CCDC191: variants seen among roughly 807,000 people sequenced by gnomAD.
CCDC191 encodes coiled-coil domain-containing protein 191.
In CCDC191, 99 loss-of-function variants were observed where a neutral mutation model predicts 114.0. That is an observed-to-expected ratio of 0.87 (90% CI 0.74 to 1.03). The LOEUF (loss-of-function observed/expected upper bound fraction) is 1.03, where lower values mean the gene tolerates loss of function less well. CCDC191 is among the 50% of genes least tolerant of loss of function. CCDC191 has a pLI of 0.00. For synonymous variants in CCDC191, 351 were observed against 376.0 expected, an observed-to-expected ratio of 0.93 and a Z score of 0.77; for missense variants, 973 against 1,087.0, an observed-to-expected ratio of 0.90 and a Z score of 1.47.
intron 12 of CCDC191, among the ~76,000 whole-genome samples, chr3:114,002,010 G>T (rs1360815289): frequency 1.3e-5 from 2 of 152,110 alleles, no homozygotes; most frequent in East Asian, 3.8e-4. Context: ...GTTAGAAACA[G>T]TTTAGGGGGA....
At chr3:113,974,033 A>T (rs180837624) in intron 16 of CCDC191, among the ~76,000 whole-genome samples, 347 of 151,804 alleles carry the variant, frequency 2.3e-3, no homozygotes, top group Non-Finnish European at 3.7e-3. Context: ...GGGCTCACTA[A>T]TTCTTTCCAC....
rs2075876160 is a variant in CCDC191, at chr3:114,002,604, A to G, written c.1979-66T>C. The stretch of plus-strand genomic sequence containing the variant: ...AAAAATATGAGGAATACTGCAAGAG[A>G]AATGTCTCCATTTCATAGTAAAATT... On this transcript the variant is annotated intron_variant, in intron 11 of 16. Coordinates refer to ENST00000295878, the MANE Select transcript of CCDC191 (RefSeq NM_020817.2). 4 of 1,376,472 alleles carry G rather than the reference A, an allele frequency of 2.9e-6. No individual in the cohort carries two copies. The South Asian group carries it at 5.3e-5, about 18-fold the overall frequency. The allele number at this position is 1,376,472 out of a possible 1,614,324, so 85.3% of individuals were successfully genotyped here.
chr3:113,997,680 T>C (rs1242437843), intron 13 of CCDC191, among the ~76,000 whole-genome samples: 5 of 152,130 alleles, frequency 3.3e-5, no homozygotes, highest in African/African-American at 1.2e-4. Flanking sequence ...ACAAAATAAA[T>C]AACACAGTAT....
At chr3:114,050,511 T>G (rs1294704476) in intron 2 of CCDC191, among the ~76,000 whole-genome samples, 1 of 152,092 alleles carries the variant, frequency 6.6e-6, no homozygotes, top group Non-Finnish European at 1.5e-5. Context: ...TGGAGGTAGG[T>G]AAGGGGGATT....
rs1559925928 is a variant in CCDC191, at chr3:114,035,025, G to C, written c.718C>G (p.Leu240Val). 6.2e-7 allele frequency: 1 copy of C among 1,614,002 alleles called. No individual in the cohort carries two copies. Among genetic ancestry groups the C allele is most frequent in the Admixed American group, 1.7e-5 (1 of 59,982 alleles). ...LVQEEKKRKA[L>V]EAKKEEEEIQ... ...TCCTCTTCCTCTTTCTTGGCCTCCAGAGCCTTCCTTTTCTTCTCTTCTTGC... is the reference window on the plus strand; with the variant it reads ...TCCTCTTCCTCTTTCTTGGCCTCCACAGCCTTCCTTTTCTTCTCTTCTTGC... Residue 240 changes from leucine (L) to valine (V), a missense_variant, in exon 6 of 17, where the codon CTG becomes GTG. Physicochemically the swap from Leu to Val is conservative, Grantham distance 32. Coordinates refer to ENST00000295878, the MANE Select transcript of CCDC191 (RefSeq NM_020817.2).
chr3:114,006,083 G>T (rs1032714526), intron 9 of CCDC191, 121 bp from the exon 10 acceptor site: 3 of 900,598 alleles, frequency 3.3e-6, no homozygotes, highest in Non-Finnish European at 5.3e-6. Flanking sequence ...GCAGGTAAAG[G>T]TGGTCTGTGC....
At chr3:114,048,970 T>C (rs1263858993) in intron 2 of CCDC191, among the ~76,000 whole-genome samples, 1 of 152,252 alleles carries the variant, frequency 6.6e-6, no homozygotes, top group Non-Finnish European at 1.5e-5. Context: ...AAAATGACTT[T>C]TCCTCCTGCC....
At chr3:114,049,160 G>A (rs2076668651) in intron 2 of CCDC191, among the ~76,000 whole-genome samples, 1 of 152,250 alleles carries the variant, frequency 6.6e-6, no homozygotes, top group Admixed American at 6.5e-5. Context: ...ACATGAGCCA[G>A]AAGAAAACAT....
chr3:114,038,363 A>G (rs1247543501), intron 4 of CCDC191, among the ~76,000 whole-genome samples: 7 of 152,214 alleles, frequency 4.6e-5, no homozygotes, highest in Non-Finnish European at 2.9e-5. Context: ...CGGAGCTGAA[A>G]AACTATTGCC....
At chr3:114,012,162 T>C (rs1046243257) in intron 8 of CCDC191, among the ~76,000 whole-genome samples, 2 of 152,178 alleles carry the variant, frequency 1.3e-5, no homozygotes, top group Non-Finnish European at 1.5e-5. Flanking sequence ...ATACGACTTT[T>C]AAACCTTTTT....
chr3:114,013,167 G>A (rs773224125), intron 8 of CCDC191, among the ~76,000 whole-genome samples: 4 of 151,842 alleles, frequency 2.6e-5, no homozygotes, highest in Non-Finnish European at 5.9e-5. Flanking sequence ...GATCACCTGA[G>A]CCTGGGAAGT....
chr3:114,027,617 A>AAG lies in CCDC191; in HGVS notation c.972+4008_972+4009insCT, dbSNP rs1303267311. ...ACTCTGTCTCAAAAAAAAAAAAAAA[A>AAG]AAAAAGAAAAAAAAATCCAGAATTA... On this transcript the variant is annotated intron_variant, in intron 7 of 16. Transcript: ENST00000295878. Among the ~76,000 whole-genome samples the AAG allele has an allele frequency of 8.9e-4, 133 of 149,014 alleles. 3 individuals carry two copies. The East Asian group carries it at 0.015, about 17-fold the overall frequency.
intron 2 of CCDC191, among the ~76,000 whole-genome samples, chr3:114,048,878 T>C (rs2076664935): frequency 6.6e-6 from 1 of 152,218 alleles, no homozygotes; most frequent in South Asian, 2.1e-4. Flanking sequence ...CAATAAATAT[T>C]TGTTAAAGGA....
intron 13 of CCDC191, among the ~76,000 whole-genome samples, chr3:113,982,647 A>G (rs563995670): frequency 6.6e-6 from 1 of 152,162 alleles, no homozygotes; most frequent in South Asian, 2.1e-4. Context: ...TTAAAAAAAA[A>G]AGTACAGGGC....
chr3:114,005,766 A>G lies in CCDC191; in HGVS notation c.1610T>C (p.Leu537Pro), dbSNP rs1318070939. Residue 537 changes from leucine (L) to proline (P), a missense_variant, in exon 10 of 17, where the codon CTC (leucine) becomes CCC (proline). By Grantham distance (98) the Leu-to-Pro change is moderately conservative (BLOSUM62 -3). Transcript: ENST00000295878. ...PSQQPGSNET[L>P]RTTSQKAEPL... ...TTCTGCTTTCTGGCTGGTAGTTCTG[A>G]GTGTCTCGTTGCTGCCAGGCTGTTG... The G allele has an allele frequency of 6.2e-7, 1 of 1,613,942 alleles. No individual in the cohort carries two copies. The highest frequency in any genetic ancestry group is 8.5e-7 in the Non-Finnish European group (1 of 1,179,984).
chr3:114,051,834 G>A (rs1406331396), intron 2 of CCDC191, among the ~76,000 whole-genome samples: 1 of 152,162 alleles, frequency 6.6e-6, no homozygotes, highest in African/African-American at 2.4e-5. Flanking sequence ...AATAAGAAAA[G>A]AAGACAGAGA....
intron 1 of CCDC191, chr3:114,054,200 A>C (rs955490345): frequency 4.6e-5 from 7 of 152,228 alleles, no homozygotes; most frequent in African/African-American, 1.7e-4. Flanking sequence ...TTCCACCCAG[A>C]TCAGTCAGGT....
chr3:113,965,233 CTGG>C lies in CCDC191; in HGVS notation c.2730_2732del (p.Phe910_Gln911delinsLeu). On this transcript the variant is annotated inframe_deletion, in exon 17 of 17. Coordinates refer to ENST00000295878, the MANE Select transcript of CCDC191 (RefSeq NM_020817.2). ...ATAGCTCGTGGTACCTTCCAGGTACCTGGAAGTCTGGAAGAATTTCAACTACCT... is the reference window on the plus strand; with the variant it reads ...ATAGCTCGTGGTACCTTCCAGGTACCAAGTCTGGAAGAATTTCAACTACCT... The C allele has an allele frequency of 6.2e-7, 1 of 1,612,188 alleles. No homozygotes were observed. Among genetic ancestry groups the C allele is most frequent in the Non-Finnish European group, 8.5e-7 (1 of 1,179,178 alleles).
At chr3:113,996,820 A>G (rs2075733811) in intron 13 of CCDC191, among the ~76,000 whole-genome samples, 1 of 144,992 alleles carries the variant, frequency 6.9e-6, no homozygotes, top group African/African-American at 2.5e-5. Flanking sequence ...GAGTTGAACA[A>G]TGAGAACACA....
Sources: allele counts gnomAD v4.1 joint callset (sites outside exome capture counted in the v4.1 genomes callset), GRCh38; gene constraint gnomAD v4.1.1; transcripts MANE v1.5; gene names NCBI Gene and HGNC (gene_info 2026-07-23, HGNC 2026-07-21).